The following NOXO1 variants were observed in gnomAD, a reference collection of about 807,000 sequenced individuals.
NOXO1 encodes NADPH oxidase organizer 1.
NOXO1 carries 38 observed loss-of-function variants against 33.3 expected under a neutral mutation model. The observed-to-expected ratio is 1.14, with a 90% CI of 0.88 to 1.50. NOXO1 has a LOEUF of 1.50. Ranked by LOEUF, NOXO1 falls within the 40% of genes most tolerant of loss-of-function variation. NOXO1 has a pLI of 0.00. For missense variants in NOXO1, 675 were observed against 527.1 expected (o/e 1.28, Z -2.75); for synonymous variants, 302 against 237.3 (o/e 1.27, Z -2.51).
rs777423138 is a variant in NOXO1, at chr16:1,981,229, G to C, written c.-50C>G. 6.2e-7 allele frequency: 1 copy of C among 1,610,724 alleles called. No homozygotes were observed. The highest frequency in any genetic ancestry group is 8.5e-7 in the Non-Finnish European group (1 of 1,178,870). Reference sequence around the variant, plus strand: ...TCCTGAAATGGGCGAGGACCCTTCTGCCTCCCCGTGCTTGAGAGGGCTCTG... The same window carrying C: ...TCCTGAAATGGGCGAGGACCCTTCTCCCTCCCCGTGCTTGAGAGGGCTCTG... On this transcript the variant is annotated 5_prime_UTR_variant, in exon 1 of 8. Coordinates refer to ENST00000356120, the MANE Select transcript of NOXO1 (RefSeq NM_172167.3).
In NOXO1 at chr16:1,980,957, G is replaced by A. The variant is rs926469931; in HGVS notation, c.129C>T (p.Asp43=). 7 of 1,612,754 alleles carry A rather than the reference G, an allele frequency of 4.3e-6. No homozygotes were observed. The highest frequency in any genetic ancestry group is 2.7e-5 in the African/African-American group (2 of 74,936). ...CACTCACCTTGAGCTGCCTGAATTC[G>A]TCCCAACTCCTGCGCACGAAGGTGT... ...GSDTFVRRSW[D]EFRQLKKTLK... Residue 43 remains aspartate (D), a synonymous_variant, in exon 2 of 8, where the codon GAC becomes GAT. Coordinates refer to ENST00000356120, the MANE Select transcript of NOXO1 (RefSeq NM_172167.3).
chr16:1,980,720 C>T lies in NOXO1; in HGVS notation c.159G>A (p.Lys53=), dbSNP rs1389888415. Residue 53 remains lysine, a synonymous_variant, in exon 3 of 8, where the codon AAG becomes AAA. Transcript: ENST00000356120. ...DEFRQLKKTL[K]ETFPVEAGLL... is the part of the protein sequence containing the mutation. ...GGCCCGCCTCCACCGGGAAGGTCTC[C>T]TTGAGGGTCTTCTGAGGGCGGGAAC... The T allele has an allele frequency of 1.2e-6, 2 of 1,601,932 alleles. No homozygotes were observed. Among genetic ancestry groups the T allele is most frequent in the Admixed American group, 1.7e-5 (1 of 58,556 alleles).
rs763085725 is a variant in NOXO1, at chr16:1,981,099, C to G, written c.66+15G>C. 8.7e-6 allele frequency: 14 copies of G among 1,612,888 alleles called. No individual in the cohort carries two copies. The highest frequency in any genetic ancestry group is 1.0e-5 in the Non-Finnish European group (12 of 1,179,472). ...CCTATCCCTTGGGGCCACTAAGGAC[C>G]CAGCCAGGTCTTACTTGGAGCCTCT... On this transcript the variant is annotated intron_variant, in intron 1 of 7. Transcript: ENST00000356120.
chr16:1,979,556 G>C lies in NOXO1; in HGVS notation c.701-14C>G, dbSNP rs907556416. ...AGAACTGGGGACCTGGTGGGAGTGGGTGTTTGGAGTCACCGCGGGGCCACA... is the reference window on the plus strand; with the variant it reads ...AGAACTGGGGACCTGGTGGGAGTGGCTGTTTGGAGTCACCGCGGGGCCACA... On this transcript the variant is annotated splice_polypyrimidine_tract_variant and intron_variant, in intron 6 of 7. Coordinates refer to ENST00000356120, the MANE Select transcript of NOXO1 (RefSeq NM_172167.3). The C allele has an allele frequency of 6.3e-7, 1 of 1,595,854 alleles. No individual in the cohort carries two copies. The highest frequency in any genetic ancestry group is 8.6e-7 in the Non-Finnish European group (1 of 1,167,810).
chr16:1,980,242 GCCAC>G, intron 4 of NOXO1, 61 bp from the exon 5 acceptor site: 1 of 1,527,562 alleles, frequency 6.5e-7, no homozygotes, highest in Non-Finnish European at 8.8e-7. Context: ...AACTGGGGGC[GCCAC>G]CCCGGCAAGA....
Position 1,979,281 on chromosome 16 carries a change from C to T in NOXO1, c.887G>A (p.Ser296Asn), listed in dbSNP as rs1208479097. The change falls in exon 8 of 8, where the codon AGC becomes AAC. Residue 296 changes from serine to asparagine, a missense_variant. Transcript: ENST00000356120. ...GTCTCCTCCACGGAACCCCGTCCCG[C>T]TCAGGAGAGCGCCCAGCCCTTCCGG... ...LRPEGLGALL[S>N]GTGFRGGDDP... is the part of the protein sequence containing the mutation. The T allele has an allele frequency of 1.3e-6, 2 of 1,555,488 alleles. No homozygotes were observed. The highest frequency in any genetic ancestry group is 1.7e-6 in the Non-Finnish European group (2 of 1,158,288).
In NOXO1 at chr16:1,979,420, C is replaced by A; in HGVS notation, c.818+5G>T. 1 of 1,606,870 alleles carries A rather than the reference C, an allele frequency of 6.2e-7. No individual in the cohort carries two copies. The highest frequency in any genetic ancestry group is 8.5e-7 in the Non-Finnish European group (1 of 1,178,578). ...CCTGCCCTGCCCACGCCCGCTCCCG[C>A]GTACCTGCATAGCCACCAGCCGCGG... On this transcript the variant is annotated splice_donor_5th_base_variant and intron_variant, in intron 7 of 7. Coordinates refer to ENST00000356120, the MANE Select transcript of NOXO1 (RefSeq NM_172167.3).
Position 1,979,093 on chromosome 16 carries a change from CT to C in NOXO1, c.1074del (p.Cys360AlafsTer51). 1 of 1,510,040 alleles carries C rather than the reference CT, an allele frequency of 6.6e-7. No individual in the cohort carries two copies. Among genetic ancestry groups the C allele is most frequent in the Non-Finnish European group, 8.7e-7 (1 of 1,144,470 alleles). The allele number at this position is 1,510,040 out of a possible 1,614,324, so 93.5% of individuals were successfully genotyped here. The part of the protein sequence containing the change: ...ERRPRRQGRP[R>X]GCVDSVPHPT... Reference sequence around the variant, plus strand: ...GGGTGCGGCACAGAGTCCACGCACCCTCGAGGGCGGCCCTGGCGCCGTGGGC... The same window carrying C: ...GGGTGCGGCACAGAGTCCACGCACCCCGAGGGCGGCCCTGGCGCCGTGGGC... On this transcript the variant is annotated frameshift_variant, in exon 8 of 8. Coordinates refer to ENST00000356120, the MANE Select transcript of NOXO1 (RefSeq NM_172167.3). LOFTEE classifies it low-confidence loss of function (END_TRUNC).
chr16:1,980,074 C>A lies in NOXO1; in HGVS notation c.509G>T (p.Cys170Phe). ...AGGCCTATCCCGCGTGTCCTGGGTA[C>A]AGAAGGGCTGCAGGCAGCGCAGGCT... ...AQSLRCLQPF[C>F]TQDTRDRPFQ... The change falls in exon 5 of 8, where the codon TGT (cysteine) becomes TTT (phenylalanine). Residue 170 changes from cysteine to phenylalanine, a missense_variant. By Grantham distance (205) the Cys-to-Phe change is radical (BLOSUM62 -2). Transcript: ENST00000356120. The A allele has an allele frequency of 6.2e-7, 1 of 1,607,944 alleles. No individual in the cohort carries two copies.
chr16:1,979,138 G>A lies in NOXO1; in HGVS notation c.1030C>T (p.Arg344Cys). 3 of 1,473,864 alleles carry A rather than the reference G, an allele frequency of 2.0e-6. No homozygotes were observed. Among genetic ancestry groups the A allele is most frequent in the Non-Finnish European group, 2.7e-6 (3 of 1,124,410 alleles). The allele number at this position is 1,473,864 out of a possible 1,614,324, so 91.3% of individuals were successfully genotyped here. A position where few individuals can be genotyped will look rare whatever the true frequency, so the allele number is the denominator to read the frequency against. ...AIQSRCCTVT[R>C]RALERRPRRQ... ...CGTGGGCGCCGCTCCAGGGCCCTGC[G>A]TGTGACGGTGCAGCAGCGGCTCTGG... is the stretch of plus-strand genomic sequence containing the variant. Residue 344 changes from arginine to cysteine, a missense_variant, in exon 8 of 8, where the codon CGC becomes TGC. Arg to Cys is a radical substitution (Grantham distance 180, BLOSUM62 -3). Coordinates refer to ENST00000356120, the MANE Select transcript of NOXO1 (RefSeq NM_172167.3).
rs777739060 is a variant in NOXO1 at position 1,981,112 on chromosome 16, AC to A, written c.66+1del. On this transcript the variant is annotated splice_donor_variant, in intron 1 of 7. Coordinates refer to ENST00000356120, the MANE Select transcript of NOXO1 (RefSeq NM_172167.3). LOFTEE classifies it high-confidence loss of function. ...GCCACTAAGGACCCAGCCAGGTCTT[AC>A]TTGGAGCCTCTTGATCTGCACCAGG... 6 of 1,613,182 alleles carry A rather than the reference AC, an allele frequency of 3.7e-6. No individual in the cohort carries two copies. The highest frequency in any genetic ancestry group is 1.6e-4 in the Middle Eastern group (1 of 6,082).
In NOXO1 at chr16:1,980,165, T is replaced by G. The variant is rs1223129317; in HGVS notation, c.418A>C (p.Thr140Pro). The change falls in exon 5 of 8, where the codon ACC becomes CCC. Residue 140 changes from threonine to proline, a missense_variant. Physicochemically the swap from Thr to Pro is conservative, Grantham distance 38. Transcript: ENST00000356120. ...CGAGAAAGAGGCTGCTCCTCTGGGGTGGGCAGGATCACCCGGCTGGGAAGG... is the reference window on the plus strand; with the variant it reads ...CGAGAAAGAGGCTGCTCCTCTGGGGGGGGCAGGATCACCCGGCTGGGAAGG... ...LPPGSRVILP[T>P]PEEQPLSRAA... The G allele has an allele frequency of 1.2e-6, 2 of 1,600,422 alleles. No individual in the cohort carries two copies. Among genetic ancestry groups the G allele is most frequent in the Non-Finnish European group, 1.7e-6 (2 of 1,176,324 alleles).
Position 1,980,441 on chromosome 16 carries a change from C to T in NOXO1, c.327G>A (p.Val109=). ...SRRLLATAER[V]ARSPTITGFF... is the part of the protein sequence containing the mutation. The stretch of plus-strand genomic sequence containing the variant: ...AGCCAGTGATCGTCGGGCTCCGTGC[C>T]ACGCGCTCTGCAGTCGCCAGCAGCC... The change falls in exon 4 of 8, where the codon GTG becomes GTA. Residue 109 remains valine (V), a synonymous_variant. Transcript: ENST00000356120. The T allele has an allele frequency of 1.2e-6, 2 of 1,602,232 alleles. No homozygotes were observed. The highest frequency in any genetic ancestry group is 2.2e-5 in the East Asian group (1 of 44,878).
rs1332677378 is a variant in NOXO1 at position 1,980,483 on chromosome 16, C to T, written c.285G>A (p.Leu95=). The change falls in exon 4 of 8, where the codon TTG becomes TTA. Residue 95 remains leucine, a synonymous_variant. Transcript: ENST00000356120. ...TSRGLARLQL[L]ETYSRRLLAT... ...CCAGCAGCCTCCGAGAATAGGTTTCCAACAGCTGCAGGCGCGCCAGGCCGC... is the reference window on the plus strand; with the variant it reads ...CCAGCAGCCTCCGAGAATAGGTTTCTAACAGCTGCAGGCGCGCCAGGCCGC... 2 of 1,602,540 alleles carry T rather than the reference C, an allele frequency of 1.2e-6. No homozygotes were observed. The highest frequency in any genetic ancestry group is 1.3e-5 in the African/African-American group (1 of 74,934).
At position 1,981,096 on chromosome 16, in the gene NOXO1, G is replaced by A. The variant is rs775719599; in HGVS notation, c.66+18C>T. ...CTTCCTATCCCTTGGGGCCACTAAG[G>A]ACCCAGCCAGGTCTTACTTGGAGCC... On this transcript the variant is annotated intron_variant, in intron 1 of 7. Transcript: ENST00000356120. The A allele has an allele frequency of 6.2e-7, 1 of 1,612,738 alleles. No individual in the cohort carries two copies. Among genetic ancestry groups the A allele is most frequent in the East Asian group, 2.2e-5 (1 of 44,876 alleles).
Position 1,979,296 on chromosome 16 carries a change from A to G in NOXO1, c.872T>C (p.Leu291Pro). 1 of 1,564,164 alleles carries G rather than the reference A, an allele frequency of 6.4e-7. No homozygotes were observed. The highest frequency in any genetic ancestry group is 1.2e-5 in the South Asian group (1 of 86,632). The change falls in exon 8 of 8, where the codon CTG becomes CCG. Residue 291 changes from leucine (L) to proline (P), a missense_variant. Transcript: ENST00000356120. ...LPAVLLRPEG[L>P]GALLSGTGFR... ...CCCCGTCCCGCTCAGGAGAGCGCCC[A>G]GCCCTTCCGGCCGCAGCAGCACCGC...
intron 4 of NOXO1, 89 bp downstream of exon 4, chr16:1,980,278 C>A: frequency 6.6e-7 from 1 of 1,514,576 alleles, no homozygotes; most frequent in East Asian, 2.3e-5. Context: ...CCACTCTCTG[C>A]CCCTATTCGC....
intron 1 of NOXO1, 26 bp from the exon 2 acceptor site, chr16:1,981,045 C>T (rs764095061): frequency 2.5e-6 from 4 of 1,612,314 alleles, no homozygotes; most frequent in Non-Finnish European, 2.5e-6. Context: ...TTGGGAGTGC[C>T]GTGGAGGTGC....
At position 1,980,149 on chromosome 16, in the gene NOXO1, G is replaced by A. The variant is rs1401933099; in HGVS notation, c.434C>T (p.Pro145Leu). Residue 145 changes from proline (P) to leucine (L), a missense_variant, in exon 5 of 8, where the codon CCT becomes CTT. Transcript: ENST00000356120. ...RVILPTPEEQ[P>L]LSRAAGRLSI... is the part of the protein sequence containing the mutation. Reference sequence around the variant, plus strand: ...GAGGCGGCCCGCAGCGCGAGAAAGAGGCTGCTCCTCTGGGGTGGGCAGGAT... The same window carrying A: ...GAGGCGGCCCGCAGCGCGAGAAAGAAGCTGCTCCTCTGGGGTGGGCAGGAT... 1.2e-6 allele frequency: 2 copies of A among 1,605,300 alleles called. No individual in the cohort carries two copies. Among genetic ancestry groups the A allele is most frequent in the African/African-American group, 1.3e-5 (1 of 74,888 alleles).
Sources: allele counts gnomAD v4.1 joint callset, GRCh38; gene constraint gnomAD v4.1.1; transcripts MANE v1.5; gene names NCBI Gene and HGNC (gene_info 2026-07-23, HGNC 2026-07-21).